Variants in CABIN1 observed in about 807,000 individuals in gnomAD.
The protein encoded by CABIN1 is calcineurin-binding protein cabin-1.
CABIN1 carries 133 observed loss-of-function variants against 227.7 expected under a neutral mutation model. The ratio of observed to expected loss-of-function variants is 0.58; its 90% CI spans 0.51 to 0.67. The LOEUF (loss-of-function observed/expected upper bound fraction) is 0.67. Ranked by LOEUF, CABIN1 falls within the 30% of genes least tolerant of loss-of-function variation. The probability of loss-of-function intolerance (pLI) is 0.00; values close to 1 mark genes in which losing one functional copy is unlikely to be tolerated. For synonymous variants in CABIN1, 1,086 were observed against 1,155.1 expected, an observed-to-expected ratio of 0.94 and a Z score of 1.21; for missense variants, 2,408 against 2,852.5, an observed-to-expected ratio of 0.84 and a Z score of 3.55.
chr22:24,025,450 G>C (rs1479698756), intron 1 of CABIN1, among the ~76,000 whole-genome samples: 1 of 152,154 alleles, frequency 6.6e-6, no homozygotes, highest in Non-Finnish European at 1.5e-5. Context: ...ACAGGGATCT[G>C]CCAGACCAAC....
At chr22:24,028,169 T>TA (rs1345893467) in intron 1 of CABIN1, among the ~76,000 whole-genome samples, 11 of 152,186 alleles carry the variant, frequency 7.2e-5, no homozygotes, top group African/African-American at 2.7e-4. Flanking sequence ...ACTTTATTGC[T>TA]AAAAAATGCT....
At chr22:24,034,207 C>T (rs2036700789) in intron 1 of CABIN1, among the ~76,000 whole-genome samples, 1 of 152,254 alleles carries the variant, frequency 6.6e-6, no homozygotes, top group Non-Finnish European at 1.5e-5. Context: ...ACCTGCCGCT[C>T]ATCTCCTGTT....
intron 1 of CABIN1, among the ~76,000 whole-genome samples, chr22:24,032,439 A>G (rs1004752351): frequency 6.6e-6 from 1 of 152,232 alleles, no homozygotes; most frequent in Non-Finnish European, 1.5e-5. Context: ...TAATGCTGCT[A>G]TGAACATGAG....
chr22:24,166,506 C>T (rs950226272), intron 31 of CABIN1, 133 bp from the exon 32 acceptor site: 4 of 1,107,708 alleles, frequency 3.6e-6, no homozygotes, highest in South Asian at 1.3e-5. Flanking sequence ...ACAGCCCTGG[C>T]CAGCTGGCAG....
At chr22:24,090,189 C>T (rs766864367) in intron 23 of CABIN1, among the ~76,000 whole-genome samples, 9 of 152,192 alleles carry the variant, frequency 5.9e-5, no homozygotes, top group Non-Finnish European at 1.2e-4. Flanking sequence ...TAGCCTCTTC[C>T]CAAGGGTCTG....
intron 29 of CABIN1, among the ~76,000 whole-genome samples, chr22:24,136,986 A>G (rs562030692): frequency 1.7e-4 from 26 of 152,158 alleles, no homozygotes; most frequent in Non-Finnish European, 3.7e-4. Flanking sequence ...AGTTGGAGCT[A>G]GACAAGTTGC....
intron 26 of CABIN1, among the ~76,000 whole-genome samples, chr22:24,108,252 G>T (rs1010577552): frequency 6.6e-6 from 1 of 152,208 alleles, no homozygotes; most frequent in Non-Finnish European, 1.5e-5. Context: ...GGGTCTGGGA[G>T]CCCAACCCTT....
intron 18 of CABIN1, among the ~76,000 whole-genome samples, chr22:24,072,970 C>A (rs1475899039): frequency 6.6e-6 from 1 of 152,178 alleles, no homozygotes; most frequent in South Asian, 2.1e-4. Context: ...TTTCCCCATA[C>A]CCATATTGGG....
In CABIN1 at chr22:24,087,718, G is replaced by A. The variant is rs2041259856; in HGVS notation, c.3525+5G>A. On this transcript the variant is annotated splice_donor_5th_base_variant and intron_variant, in intron 23 of 36. Coordinates refer to ENST00000263119, the MANE Select transcript of CABIN1 (RefSeq NM_012295.4). ...CCCCCTGAGCTCGTGCAGCAGGTGA[G>A]GAGGGGGTGCTGCAGATGGGCTTGC... The A allele has an allele frequency of 1.9e-6, 3 of 1,613,506 alleles. No individual in the cohort carries two copies. The highest frequency in any genetic ancestry group is 2.5e-6 in the Non-Finnish European group (3 of 1,180,032).
At chr22:24,104,945 G>A (rs1010291437) in intron 26 of CABIN1, among the ~76,000 whole-genome samples, 3 of 152,194 alleles carry the variant, frequency 2.0e-5, no homozygotes, top group Admixed American at 6.5e-5. Flanking sequence ...CCAGGCTGAT[G>A]GAACAAATGG....
At chr22:24,019,120 G>GT (rs945660140) in intron 1 of CABIN1, among the ~76,000 whole-genome samples, 443 of 40,222 alleles carry the variant, frequency 0.011, 142 homozygotes, top group African/African-American at 0.032. Context: ...ACTGAGTGTT[G>GT]TTTTTTTTTT....
intron 33 of CABIN1, 102 bp downstream of exon 33, chr22:24,168,623 C>G: frequency 1.0e-6 from 1 of 996,456 alleles, no homozygotes; most frequent in Non-Finnish European, 1.6e-6. Flanking sequence ...TGGGACTGTT[C>G]TTGTGGTCAG....
intron 28 of CABIN1, among the ~76,000 whole-genome samples, chr22:24,120,672 G>A (rs953979829): frequency 9.2e-5 from 14 of 152,180 alleles, no homozygotes; most frequent in African/African-American, 3.4e-4. Context: ...AGTTAGCCAG[G>A]CATGCTGGCA....
intron 29 of CABIN1, among the ~76,000 whole-genome samples, chr22:24,152,694 A>T (rs2148494944): frequency 6.6e-6 from 1 of 152,236 alleles, no homozygotes; most frequent in Non-Finnish European, 1.5e-5. Flanking sequence ...TCACGCCTGT[A>T]ATCCCAGCAC....
rs73165710 is a variant in CABIN1 at position 24,073,836 on chromosome 22, T to A, written c.2632+1326T>A. Among the ~76,000 whole-genome samples, 835 of 152,232 alleles carry A rather than the reference T, an allele frequency of 5.5e-3. 3 individuals carry two copies. Among genetic ancestry groups the A allele is most frequent in the Non-Finnish European group, 8.6e-3 (587 of 68,026 alleles). Reference sequence around the variant, plus strand: ...AAGAGGGGCCAGATTGCAAAAGGCTTTTATTTTCTGTTTTGTAAAGCTGTT... The same window carrying A: ...AAGAGGGGCCAGATTGCAAAAGGCTATTATTTTCTGTTTTGTAAAGCTGTT... On this transcript the variant is annotated intron_variant, in intron 18 of 36. Transcript: ENST00000263119.
intron 19 of CABIN1, among the ~76,000 whole-genome samples, chr22:24,080,946 C>T (rs1271847463): frequency 6.6e-6 from 1 of 151,772 alleles, no homozygotes; most frequent in East Asian, 1.9e-4. Context: ...TACTCTTTGC[C>T]AGGGGTCACC....
intron 1 of CABIN1, among the ~76,000 whole-genome samples, chr22:24,033,045 T>TC (rs1208933632): frequency 6.6e-6 from 1 of 152,182 alleles, no homozygotes. Context: ...GCCACTGCAC[T>TC]CCAGCCTAGG....
intron 1 of CABIN1, among the ~76,000 whole-genome samples, chr22:24,018,876 T>G (rs1217646670): frequency 6.6e-6 from 1 of 152,168 alleles, no homozygotes; most frequent in African/African-American, 2.4e-5. Flanking sequence ...TTTATATTTT[T>G]GAATCCTATC....
At chr22:24,056,146 T>TC in intron 9 of CABIN1, 46 bp from the exon 10 acceptor site, 1 of 1,564,006 alleles carries the variant, frequency 6.4e-7, no homozygotes, top group Non-Finnish European at 8.8e-7. Context: ...TGCATTTTTT[T>TC]CATCCCTGCC....
Sources: allele counts gnomAD v4.1 joint callset (sites outside exome capture counted in the v4.1 genomes callset), GRCh38; gene constraint gnomAD v4.1.1; transcripts MANE v1.5; gene names NCBI Gene and HGNC (gene_info 2026-07-23, HGNC 2026-07-21).